TNFSF8: variants seen among roughly 807,000 people sequenced by gnomAD.
TNFSF8 encodes tumor necrosis factor ligand superfamily member 8.
In TNFSF8, 4 loss-of-function variants were observed where a neutral mutation model predicts 22.0. The observed-to-expected ratio is 0.18, with a 90% CI of 0.09 to 0.42. TNFSF8 has a LOEUF of 0.42. Among genes scored for constraint, TNFSF8 ranks in the 10% least tolerant of loss-of-function variants. TNFSF8 has a pLI of 1.00. For synonymous variants in TNFSF8, 106 were observed against 112.5 expected (o/e 0.94, Z 0.37); for missense variants, 233 against 281.8 (o/e 0.83, Z 1.24).
rs1251913417 is a variant in TNFSF8, at chr9:114,903,604, A to C, written c.*327T>G. ...GGTACTGGAGCCCCATTTTAACTGGAGGCTCTCAAAACAGAAGAAATAGAT... is the reference window on the plus strand; with the variant it reads ...GGTACTGGAGCCCCATTTTAACTGGCGGCTCTCAAAACAGAAGAAATAGAT... On this transcript the variant is annotated 3_prime_UTR_variant, in exon 4 of 4. Transcript: ENST00000223795. The C allele has an allele frequency of 2.7e-6, 2 of 738,996 alleles. No individual in the cohort carries two copies. Among genetic ancestry groups the C allele is most frequent in the African/African-American group, 3.8e-5 (2 of 52,820 alleles). 45.8% of individuals were successfully genotyped at this position (738,996 alleles called of 1,614,324 possible).
chr9:114,929,080 A>T (rs1323932610), intron 1 of TNFSF8, among the ~76,000 whole-genome samples: 1 of 152,224 alleles, frequency 6.6e-6, no homozygotes, highest in Non-Finnish European at 1.5e-5. Context: ...CTTCATCAAA[A>T]AATTCATGAG....
chr9:114,908,124 C>T (rs1827807237), intron 2 of TNFSF8, among the ~76,000 whole-genome samples: 1 of 152,338 alleles, frequency 6.6e-6, no homozygotes, highest in East Asian at 1.9e-4. Flanking sequence ...TCAGCTCCTC[C>T]AGGATACTTC....
chr9:114,929,179 TC>T (rs1465003367), intron 1 of TNFSF8, among the ~76,000 whole-genome samples: 1 of 152,144 alleles, frequency 6.6e-6, no homozygotes, highest in African/African-American at 2.4e-5. Context: ...TGAAGAAGCT[TC>T]CTCTTTCTCC....
chr9:114,910,208 C>T lies in TNFSF8; in HGVS notation c.239-4309G>A, dbSNP rs535705820. Among the ~76,000 whole-genome samples the T allele has an allele frequency of 2.6e-5, 4 of 152,276 alleles. No individual in the cohort carries two copies. The South Asian group carries it at 6.2e-4, about 24-fold the overall frequency. ...AGAAAGATGTGCCAACAAAACCCTC[C>T]TGGCCAGTTTCACACAGAGGAGAGA... On this transcript the variant is annotated intron_variant, in intron 2 of 3. Transcript: ENST00000223795.
intron 4 of TNFSF8, among the ~76,000 whole-genome samples, chr9:114,895,509 A>G (rs181221956): frequency 6.6e-6 from 1 of 152,348 alleles, no homozygotes; most frequent in Non-Finnish European, 1.5e-5. Flanking sequence ...AATAGGCTTC[A>G]GTGGATTTGA....
At position 114,902,731 on chromosome 9, in the gene TNFSF8, C is replaced by T; in HGVS notation, c.*1200G>A. On this transcript the variant is annotated 3_prime_UTR_variant, in exon 4 of 4. Transcript: ENST00000223795. ...GAGCTTCCAAAATTGTGTCTGGAAT[C>T]TCAGTTCCCAGGGTCTGGTCTTCTG... 2.2e-5 allele frequency: 22 copies of T among 985,404 alleles called. No homozygotes were observed. The highest frequency in any genetic ancestry group is 2.7e-5 in the Non-Finnish European group (22 of 829,936). 61.0% of individuals were successfully genotyped at this position (985,404 alleles called of 1,614,324 possible).
intron 3 of TNFSF8, among the ~76,000 whole-genome samples, chr9:114,905,608 G>T (rs72756571): frequency 0.053 from 8,140 of 152,234 alleles, 340 homozygotes; most frequent in South Asian, 0.12. Context: ...GGAGTGAATG[G>T]GACTGAGGAA....
Position 114,902,137 on chromosome 9 carries a change from C to G in TNFSF8, c.*1794G>C, listed in dbSNP as rs1349583647. 9 of 985,224 alleles carry G rather than the reference C, an allele frequency of 9.1e-6. No individual in the cohort carries two copies. Among genetic ancestry groups the G allele is most frequent in the Non-Finnish European group, 1.1e-5 (9 of 829,922 alleles). The allele number at this position is 985,224 out of a possible 1,614,324, so 61.0% of individuals were successfully genotyped here. A position where few individuals can be genotyped will look rare whatever the true frequency, so the allele number is the denominator to read the frequency against. ...GTCCTTCCACAAATAAGATGTTCCT[C>G]CAAAGATGATGTACAGATGCCAAGT... is the stretch of plus-strand genomic sequence containing the variant. On this transcript the variant is annotated 3_prime_UTR_variant, in exon 4 of 4. Transcript: ENST00000223795.
chr9:114,924,188 A>G (rs1412565116), intron 1 of TNFSF8, among the ~76,000 whole-genome samples: 1 of 152,192 alleles, frequency 6.6e-6, no homozygotes, highest in African/African-American at 2.4e-5. Context: ...GGAGCTTGTT[A>G]AAATGCAGAT....
chr9:114,919,237 AG>A (rs1827958848), intron 1 of TNFSF8, among the ~76,000 whole-genome samples: 1 of 152,074 alleles, frequency 6.6e-6, no homozygotes, highest in African/African-American at 2.4e-5. Context: ...ATACACATGT[AG>A]TATACATACA....
downstream of TNFSF8, among the ~76,000 whole-genome samples, chr9:114,898,722 C>T (rs767978962): frequency 3.9e-5 from 6 of 152,116 alleles, no homozygotes; most frequent in Non-Finnish European, 8.8e-5. Flanking sequence ...GAACAGACTT[C>T]GCGTTAGCTT....
Position 114,901,203 on chromosome 9 carries a change from A to T in TNFSF8, c.*2728T>A. 1 of 985,458 alleles carries T rather than the reference A, an allele frequency of 1.0e-6. No individual in the cohort carries two copies. Among genetic ancestry groups the T allele is most frequent in the Non-Finnish European group, 1.2e-6 (1 of 829,932 alleles). 61.0% of individuals were successfully genotyped at this position (985,458 alleles called of 1,614,324 possible). ...ATAGATATCATTTTACTCATGGAGTATCATTTGCTCATAACATTCCCAGGG... is the reference window on the plus strand; with the variant it reads ...ATAGATATCATTTTACTCATGGAGTTTCATTTGCTCATAACATTCCCAGGG... On this transcript the variant is annotated 3_prime_UTR_variant, in exon 4 of 4. Coordinates refer to ENST00000223795, the MANE Select transcript of TNFSF8 (RefSeq NM_001244.4).
Position 114,903,596 on chromosome 9 carries a change from T to G in TNFSF8, c.*335A>C. Reference sequence around the variant, plus strand: ...GCTGCTCTGGTACTGGAGCCCCATTTTAACTGGAGGCTCTCAAAACAGAAG... The same window carrying G: ...GCTGCTCTGGTACTGGAGCCCCATTGTAACTGGAGGCTCTCAAAACAGAAG... On this transcript the variant is annotated 3_prime_UTR_variant, in exon 4 of 4. Coordinates refer to ENST00000223795, the MANE Select transcript of TNFSF8 (RefSeq NM_001244.4). The G allele has an allele frequency of 1.4e-6, 1 of 690,756 alleles. No homozygotes were observed. The highest frequency in any genetic ancestry group is 1.8e-6 in the Non-Finnish European group (1 of 553,522). The allele number at this position is 690,756 out of a possible 1,614,324, so 42.8% of individuals were successfully genotyped here.
chr9:114,902,936 G>A lies in TNFSF8; in HGVS notation c.*995C>T, dbSNP rs1363066281. On this transcript the variant is annotated 3_prime_UTR_variant, in exon 4 of 4. Coordinates refer to ENST00000223795, the MANE Select transcript of TNFSF8 (RefSeq NM_001244.4). ...GCCGGGCTTAGTCACCCTTGATATGGGTTTCTGGTTCTATACCACACCTCT... is the reference window on the plus strand; with the variant it reads ...GCCGGGCTTAGTCACCCTTGATATGAGTTTCTGGTTCTATACCACACCTCT... 2 of 193,414 alleles carry A rather than the reference G, an allele frequency of 1.0e-5. No homozygotes were observed. Among genetic ancestry groups the A allele is most frequent in the Non-Finnish European group, 1.9e-5 (2 of 105,842 alleles). The allele number at this position is 193,414 out of a possible 1,614,324, so 12.0% of individuals were successfully genotyped here.
chr9:114,921,136 T>A (rs1172889933), intron 1 of TNFSF8, among the ~76,000 whole-genome samples: 1 of 152,214 alleles, frequency 6.6e-6, no homozygotes, highest in East Asian at 1.9e-4. Flanking sequence ...TCTGGTTTCC[T>A]AATTTCAGAC....
At chr9:114,927,776 C>G (rs536001609) in intron 1 of TNFSF8, among the ~76,000 whole-genome samples, 1 of 152,228 alleles carries the variant, frequency 6.6e-6, no homozygotes, top group South Asian at 2.1e-4. Context: ...GCTAATTGAC[C>G]ATTAACTCAT....
chr9:114,927,073 TATA>T (rs1456632738), intron 1 of TNFSF8, among the ~76,000 whole-genome samples: 1 of 147,042 alleles, frequency 6.8e-6, no homozygotes. Flanking sequence ...ATGTTTATTT[TATA>T]ATATATTTAT....
chr9:114,894,956 G>C (rs915268984), intron 4 of TNFSF8, among the ~76,000 whole-genome samples: 1 of 152,158 alleles, frequency 6.6e-6, no homozygotes, highest in Non-Finnish European at 1.5e-5. Flanking sequence ...ACTGTGCCAT[G>C]CGCTGACTGC....
chr9:114,899,001 G>C (rs1159119494), downstream of TNFSF8, among the ~76,000 whole-genome samples: 1 of 152,126 alleles, frequency 6.6e-6, no homozygotes, highest in Non-Finnish European at 1.5e-5. Flanking sequence ...GTGCACATCT[G>C]CAACAGACTA....
Sources: allele counts gnomAD v4.1 joint callset (sites outside exome capture counted in the v4.1 genomes callset), GRCh38; gene constraint gnomAD v4.1.1; transcripts MANE v1.5; gene names NCBI Gene and HGNC (gene_info 2026-07-23, HGNC 2026-07-21).